The following KHDRBS2 variants were observed in gnomAD, a reference collection of about 807,000 sequenced individuals.
KHDRBS2 encodes KH RNA binding domain containing, signal transduction associated 2.
Under a neutral mutation model 44.3 loss-of-function variants are expected in KHDRBS2, and 26 were observed. The ratio of observed to expected loss-of-function variants is 0.59; its 90% confidence interval spans 0.43 to 0.81. The LOEUF is 0.81. Among genes scored for constraint, KHDRBS2 ranks in the 40% least tolerant of loss-of-function variants. The pLI is 0.00. For missense variants in KHDRBS2, 476 were observed against 433.1 expected (o/e 1.10, Z -0.88); for synonymous variants, 194 against 151.1 (o/e 1.28, Z -2.08).
At chr6:61,972,719 T>C (rs1187557659) in intron 4 of KHDRBS2, among the ~76,000 whole-genome samples, 5 of 152,226 alleles carry the variant, frequency 3.3e-5, no homozygotes, top group Non-Finnish European at 5.9e-5. Context: ...CTATAAATGT[T>C]GAACTCCTGC....
At chr6:61,983,191 T>G (rs1198672226) in intron 3 of KHDRBS2, among the ~76,000 whole-genome samples, 2 of 57,980 alleles carry the variant, frequency 3.4e-5, no homozygotes, top group African/African-American at 1.6e-4. Flanking sequence ...GTAATTAAAG[T>G]TTTTTTCATT....
At chr6:61,848,707 C>T (rs1253752458) in intron 6 of KHDRBS2, among the ~76,000 whole-genome samples, 1 of 148,032 alleles carries the variant, frequency 6.8e-6, no homozygotes, top group East Asian at 2.0e-4. Flanking sequence ...CCTTAAATCA[C>T]TGGCCTACCT....
chr6:61,616,584 G>C, the KHDRBS2 span, among the ~76,000 whole-genome samples: 2 of 151,500 alleles, frequency 1.3e-5, no homozygotes, highest in Non-Finnish European at 2.9e-5. Flanking sequence ...TAATTTGATT[G>C]ATTGATTAGG....
At chr6:62,221,703 T>G (rs503217) in intron 1 of KHDRBS2, among the ~76,000 whole-genome samples, 28,650 of 152,022 alleles carry the variant, frequency 0.19, 3,173 homozygotes, top group African/African-American at 0.32. Context: ...ATCACTGTTG[T>G]AGTCAAATTT....
At chr6:62,277,691 G>C (rs1173453013) in intron 1 of KHDRBS2, among the ~76,000 whole-genome samples, 1 of 152,144 alleles carries the variant, frequency 6.6e-6, no homozygotes, top group Non-Finnish European at 1.5e-5. Flanking sequence ...TGATTGTGTA[G>C]TCAAATGCAG....
At chr6:61,801,188 C>A (rs980236089) in intron 6 of KHDRBS2, among the ~76,000 whole-genome samples, 49 of 152,132 alleles carry the variant, frequency 3.2e-4, no homozygotes, top group African/African-American at 1.1e-3. Context: ...TATTTTCTCA[C>A]ATTTCCACTG....
chr6:62,053,045 T>C (rs1480056758), intron 2 of KHDRBS2, among the ~76,000 whole-genome samples: 3 of 152,086 alleles, frequency 2.0e-5, no homozygotes, highest in Non-Finnish European at 4.4e-5. Context: ...ATATGTCAGT[T>C]TGCTTCACTA....
At chr6:62,174,697 G>C (rs145483528) in intron 2 of KHDRBS2, among the ~76,000 whole-genome samples, 2,342 of 151,842 alleles carry the variant, frequency 0.015, 54 homozygotes, top group African/African-American at 0.052. Context: ...TGCTCTTTGA[G>C]AGGACTGTGT....
At chr6:61,813,790 TA>T (rs1788486105) in intron 6 of KHDRBS2, among the ~76,000 whole-genome samples, 1 of 152,146 alleles carries the variant, frequency 6.6e-6, no homozygotes, top group Non-Finnish European at 1.5e-5. Flanking sequence ...TTGTCTGGAA[TA>T]AACTAGATAG....
chr6:62,110,102 T>C (rs1309194164), intron 2 of KHDRBS2, among the ~76,000 whole-genome samples: 1 of 151,958 alleles, frequency 6.6e-6, no homozygotes, highest in Admixed American at 6.6e-5. Flanking sequence ...AGGAAGAAAA[T>C]ATTTCCAAAG....
At chr6:61,847,517 A>G (rs2127278442) in intron 6 of KHDRBS2, among the ~76,000 whole-genome samples, 1 of 152,230 alleles carries the variant, frequency 6.6e-6, no homozygotes, top group South Asian at 2.1e-4. Context: ...TAAAGTTAGG[A>G]TGAGCTATGT....
intron 1 of KHDRBS2, among the ~76,000 whole-genome samples, chr6:62,264,172 C>G (rs1838813256): frequency 6.6e-6 from 1 of 151,696 alleles, no homozygotes; most frequent in Admixed American, 6.6e-5. Context: ...GTCCCAAAGT[C>G]AGCAAATATA....
At chr6:62,197,952 T>G (rs1287345113) in intron 1 of KHDRBS2, among the ~76,000 whole-genome samples, 1 of 152,102 alleles carries the variant, frequency 6.6e-6, no homozygotes, top group Non-Finnish European at 1.5e-5. Context: ...ACCACTCAAT[T>G]ACATGGAAAT....
the KHDRBS2 span, among the ~76,000 whole-genome samples, chr6:61,638,100 C>A: frequency 6.6e-6 from 1 of 152,170 alleles, no homozygotes; most frequent in East Asian, 1.9e-4. Flanking sequence ...TTTACAGATT[C>A]AATGTCTTCC....
At chr6:61,853,697 C>T (rs1795777631) in intron 6 of KHDRBS2, among the ~76,000 whole-genome samples, 1 of 152,090 alleles carries the variant, frequency 6.6e-6, no homozygotes, top group Admixed American at 6.6e-5. Context: ...AAATAAATCC[C>T]CAAATAAAGG....
At chr6:62,230,886 A>G (rs745935262) in intron 1 of KHDRBS2, among the ~76,000 whole-genome samples, 1 of 152,206 alleles carries the variant, frequency 6.6e-6, no homozygotes, top group Non-Finnish European at 1.5e-5. Context: ...GAATTGGTTA[A>G]GAATTGTATC....
At chr6:62,058,427 A>C (rs191513900) in intron 2 of KHDRBS2, among the ~76,000 whole-genome samples, 21 of 151,992 alleles carry the variant, frequency 1.4e-4, no homozygotes, top group African/African-American at 5.1e-4. Context: ...CTCCTTTTTA[A>C]TCAGTGGGAA....
chr6:61,666,415 G>A, the KHDRBS2 span, among the ~76,000 whole-genome samples: 5 of 151,172 alleles, frequency 3.3e-5, no homozygotes, highest in African/African-American at 4.8e-5. Flanking sequence ...TTCCTTCTAC[G>A]TTGCAGGATG....
intron 6 of KHDRBS2, among the ~76,000 whole-genome samples, chr6:61,789,473 C>T (rs1000501284): frequency 6.6e-5 from 10 of 151,144 alleles, no homozygotes; most frequent in African/African-American, 1.5e-4. Flanking sequence ...AAAGAAAAAA[C>T]GTATAGTATT....
Sources: allele counts gnomAD v4.1 joint callset (sites outside exome capture counted in the v4.1 genomes callset), GRCh38; gene constraint gnomAD v4.1.1; transcripts MANE v1.5; gene names NCBI Gene and HGNC (gene_info 2026-07-23, HGNC 2026-07-21).